The following EIF3F variants were observed in gnomAD, a reference collection of about 807,000 sequenced individuals.
The protein encoded by EIF3F is eukaryotic translation initiation factor 3 subunit F.
EIF3F carries 8 observed loss-of-function variants against 36.0 expected under a neutral mutation model. That is an observed-to-expected ratio of 0.22 (90% CI 0.13 to 0.40). The LOEUF is 0.40. EIF3F is among the 10% of genes least tolerant of loss of function. The probability of loss-of-function intolerance (pLI) is 1.00; values close to 1 mark genes in which losing one functional copy is unlikely to be tolerated. For missense variants in EIF3F, 430 were observed against 467.6 expected, an observed-to-expected ratio of 0.92 and a Z score of 0.74; for synonymous variants, 184 against 188.5, an observed-to-expected ratio of 0.98 and a Z score of 0.19.
chr11:7,992,392 C>A (rs1388942493), intron 3 of EIF3F: 7 of 560,184 alleles, frequency 1.2e-5, no homozygotes, highest in Non-Finnish European at 1.9e-5. Context: ...AATAGTGAGA[C>A]CCTGTCTCTA....
chr11:7,990,472 GA>G lies in EIF3F; in HGVS notation c.365-1305del, dbSNP rs1232866009. Among the ~76,000 whole-genome samples, 13 of 152,198 alleles carry G rather than the reference GA, an allele frequency of 8.5e-5. No individual in the cohort carries two copies. In the East Asian group the frequency reaches 2.5e-3, roughly 29 times the overall value. On this transcript the variant is annotated intron_variant, in intron 1 of 7. Transcript: ENST00000651655. ...CATTTCTAGATCAGGGCCTGGCCTAGAAAAGGAACATTGAATAAAAAGACAA... is the reference window on the plus strand; with the variant it reads ...CATTTCTAGATCAGGGCCTGGCCTAGAAAGGAACATTGAATAAAAAGACAA...
At position 7,994,486 on chromosome 11, in the gene EIF3F, A is replaced by G. The variant is rs1021979682; in HGVS notation, c.714A>G (p.Lys238=). The G allele has an allele frequency of 5.6e-6, 9 of 1,613,966 alleles. No homozygotes were observed. Among genetic ancestry groups the G allele is most frequent in the African/African-American group, 2.7e-5 (2 of 74,924 alleles). Residue 238 remains lysine, a synonymous_variant, in exon 5 of 8, where the codon AAA becomes AAG. Transcript: ENST00000651655. The part of the protein sequence containing the change: ...MGVMFTPLTV[K]YAYYDTERIG... ...TGATGTTCACGCCTCTGACAGTGAA[A>G]TACGCGTACTACGACACTGAACGCA...
rs1942141010 is a variant in EIF3F, at chr11:7,994,633, A to T, written c.745+116A>T. 6 of 915,006 alleles carry T rather than the reference A, an allele frequency of 6.6e-6. No homozygotes were observed. In the East Asian group the frequency reaches 1.6e-4, roughly 24 times the overall value. The allele number at this position is 915,006 out of a possible 1,614,324, so 56.7% of individuals were successfully genotyped here. A position where few individuals can be genotyped will look rare whatever the true frequency, so the allele number is the denominator to read the frequency against. ...GGTTTGAAAAGGGACTATTGATCTAAGGTTTGTGAAGACTAGAAGTCACAG... is the reference window on the plus strand; with the variant it reads ...GGTTTGAAAAGGGACTATTGATCTATGGTTTGTGAAGACTAGAAGTCACAG... On this transcript the variant is annotated intron_variant, in intron 5 of 7. Coordinates refer to ENST00000651655, the MANE Select transcript of EIF3F (RefSeq NM_003754.3).
In EIF3F at chr11:7,987,535, G is replaced by A; in HGVS notation, c.183G>A (p.Gln61=). The change falls in exon 1 of 8, where the codon CAG becomes CAA. Residue 61 remains glutamine (Q), a synonymous_variant. Transcript: ENST00000651655. ...AAAAATAAPG[Q]TPASAQAPAQ... ...CGGCTGCAACTGCGGCTCCTGGCCA[G>A]ACCCCGGCCTCAGCGCAAGCTCCAG... 1.2e-6 allele frequency: 2 copies of A among 1,604,264 alleles called. No homozygotes were observed. Among genetic ancestry groups the A allele is most frequent in the Non-Finnish European group, 1.7e-6 (2 of 1,176,454 alleles).
rs372147798 is a variant in EIF3F, at chr11:7,993,059, C to T, written c.653+35C>T. ...GTCTTGGGCTACAAGGGCATAAAACCATGCCCAGATGCCATCCCTCCCCCA... is the reference window on the plus strand; with the variant it reads ...GTCTTGGGCTACAAGGGCATAAAACTATGCCCAGATGCCATCCCTCCCCCA... On this transcript the variant is annotated intron_variant, in intron 4 of 7. Transcript: ENST00000651655. 3.2e-5 allele frequency: 49 copies of T among 1,525,676 alleles called. No individual in the cohort carries two copies. The African/African-American group carries it at 6.8e-4, about 21-fold the overall frequency. 94.5% of individuals were successfully genotyped at this position (1,525,676 alleles called of 1,614,324 possible).
At position 7,989,004 on chromosome 11, in the gene EIF3F, C is replaced by A. The variant is rs545121161; in HGVS notation, c.364+1288C>A. Reference sequence around the variant, plus strand: ...ATCTTCTGAACATTGCTTGTCTTTTCTCAGACCAAGCTTTTGCGTTCTCTT... The same window carrying A: ...ATCTTCTGAACATTGCTTGTCTTTTATCAGACCAAGCTTTTGCGTTCTCTT... On this transcript the variant is annotated intron_variant, in intron 1 of 7. Transcript: ENST00000651655. Among the ~76,000 whole-genome samples the A allele has an allele frequency of 7.2e-4, 109 of 152,306 alleles. 1 individual carries two copies. The highest frequency in any genetic ancestry group is 2.5e-3 in the African/African-American group (104 of 41,550).
At position 7,989,842 on chromosome 11, in the gene EIF3F, G is replaced by A. The variant is rs115880214; in HGVS notation, c.365-1939G>A. On this transcript the variant is annotated intron_variant, in intron 1 of 7. Transcript: ENST00000651655. The stretch of plus-strand genomic sequence containing the variant: ...ACTGTCTGAAACATTCAGTATTACA[G>A]GAATGTAGGTGACAGGAGGTAGAGC... Among the ~76,000 whole-genome samples, 440 of 152,310 alleles carry A rather than the reference G, an allele frequency of 2.9e-3. 4 individuals are homozygous for A. The highest frequency in any genetic ancestry group is 0.01 in the African/African-American group (429 of 41,564).
chr11:7,988,729 A>C (rs922155313), intron 1 of EIF3F, among the ~76,000 whole-genome samples: 6 of 152,370 alleles, frequency 3.9e-5, no homozygotes. Context: ...AAGATTTGTA[A>C]GCAGACCTCA....
chr11:7,989,865 AG>A (rs1564885819), intron 1 of EIF3F, among the ~76,000 whole-genome samples: 1 of 152,236 alleles, frequency 6.6e-6, no homozygotes, highest in Non-Finnish European at 1.5e-5. Context: ...CAGGAGGTAG[AG>A]CAGGAAATGA....
Position 7,999,995 on chromosome 11 carries a change from G to C in EIF3F, c.*3973G>C, listed in dbSNP as rs1474125619. 2 of 152,258 alleles carry C rather than the reference G, an allele frequency of 1.3e-5. No homozygotes were observed. Among genetic ancestry groups the C allele is most frequent in the East Asian group, 3.9e-4 (2 of 5,164 alleles). The allele number at this position is 152,258 out of a possible 1,614,324, so 9.4% of individuals were successfully genotyped here. On this transcript the variant is annotated 3_prime_UTR_variant, in exon 8 of 8. Coordinates refer to ENST00000651655, the MANE Select transcript of EIF3F (RefSeq NM_003754.3). ...AAGGCAGGTGGATCATTTGAGGTCA[G>C]AAGTTCTTGACCAGCCTGGCCAACA...
intron 3 of EIF3F, 57 bp from the exon 4 acceptor site, chr11:7,992,830 T>G (rs912844816): frequency 3.7e-6 from 6 of 1,611,138 alleles, no homozygotes; most frequent in Non-Finnish European, 5.1e-6. Flanking sequence ...GCCACTGTTG[T>G]GTTTGATATT....
chr11:7,994,461 T>G lies in EIF3F; in HGVS notation c.689T>G (p.Val230Gly). 1 of 1,613,886 alleles carries G rather than the reference T, an allele frequency of 6.2e-7. No individual in the cohort carries two copies. The highest frequency in any genetic ancestry group is 8.5e-7 in the Non-Finnish European group (1 of 1,179,960). Residue 230 changes from valine to glycine, a missense_variant, in exon 5 of 8, where the codon GTG becomes GGG. Physicochemically the swap from Val to Gly is moderately radical, Grantham distance 109. Transcript: ENST00000651655. ...LMGVPGRTMG[V>G]MFTPLTVKYA... Reference sequence around the variant, plus strand: ...GGAGTCCCTGGGAGGACCATGGGAGTGATGTTCACGCCTCTGACAGTGAAA... The same window carrying G: ...GGAGTCCCTGGGAGGACCATGGGAGGGATGTTCACGCCTCTGACAGTGAAA...
intron 6 of EIF3F, 23 bp from the exon 7 acceptor site, chr11:7,995,231 C>T (rs376053231): frequency 2.8e-5 from 45 of 1,609,988 alleles, no homozygotes; most frequent in Middle Eastern, 1.6e-4. Context: ...ACTGCCTCAT[C>T]GAGTCTTTGT....
Position 7,991,843 on chromosome 11 carries a change from G to A in EIF3F, c.427G>A (p.Glu143Lys). The A allele has an allele frequency of 6.2e-7, 1 of 1,614,196 alleles. No homozygotes were observed. The change falls in exon 2 of 8, where the codon GAA becomes AAA. Residue 143 changes from glutamate to lysine, a missense_variant. By Grantham distance (56) the Glu-to-Lys change is moderately conservative (BLOSUM62 1). Coordinates refer to ENST00000651655, the MANE Select transcript of EIF3F (RefSeq NM_003754.3). ...NCFSVPHNES[E>K]DEVAVDMEFA... ...CTTTTCAGTGCCGCACAATGAGTCA[G>A]AAGATGAAGTGAGTGGGAATCCAAG...
At chr11:7,995,444 T>G in intron 7 of EIF3F, 77 bp downstream of exon 7, 1 of 1,207,288 alleles carries the variant, frequency 8.3e-7, no homozygotes, top group Non-Finnish European at 1.2e-6. Context: ...GTGAAAAGAG[T>G]TGGGTGAGGT....
At position 8,001,771 on chromosome 11, in the gene EIF3F, GT is replaced by G. The variant is rs1942224923; in HGVS notation, c.*5752del. On this transcript the variant is annotated 3_prime_UTR_variant, in exon 8 of 8. Coordinates refer to ENST00000651655, the MANE Select transcript of EIF3F (RefSeq NM_003754.3). Reference sequence around the variant, plus strand: ...CAGGACGAAAGATTTACTTCTTATTGTTTCTTCTGTATAACTTTTGAATTTT... The same window carrying G: ...CAGGACGAAAGATTTACTTCTTATTGTTCTTCTGTATAACTTTTGAATTTT... The G allele has an allele frequency of 1.3e-5, 2 of 151,928 alleles. No homozygotes were observed. Among genetic ancestry groups the G allele is most frequent in the Non-Finnish European group, 2.9e-5 (2 of 67,992 alleles). 9.4% of individuals were successfully genotyped at this position (151,928 alleles called of 1,614,324 possible).
chr11:8,001,043 C>A lies in EIF3F; in HGVS notation c.*5021C>A, dbSNP rs1358693636. 1 of 152,148 alleles carries A rather than the reference C, an allele frequency of 6.6e-6. No individual in the cohort carries two copies. Among genetic ancestry groups the A allele is most frequent in the Non-Finnish European group, 1.5e-5 (1 of 68,028 alleles). The allele number at this position is 152,148 out of a possible 1,614,324, so 9.4% of individuals were successfully genotyped here. On this transcript the variant is annotated 3_prime_UTR_variant, in exon 8 of 8. Transcript: ENST00000651655. ...TCATATCAAAAAAAGGGCTAATATT[C>A]TTGTCCCAGAATTCCTACAGTTTTT...
intron 7 of EIF3F, 56 bp from the exon 8 acceptor site, chr11:7,995,889 C>A: frequency 2.0e-6 from 3 of 1,518,678 alleles, no homozygotes; most frequent in Non-Finnish European, 2.7e-6. Context: ...CAAAGCCAGC[C>A]TTTTTGCTCC....
At chr11:7,990,016 T>C (rs1199766298) in intron 1 of EIF3F, among the ~76,000 whole-genome samples, 1 of 152,244 alleles carries the variant, frequency 6.6e-6, no homozygotes, top group South Asian at 2.1e-4. Flanking sequence ...TCCTGAGCAT[T>C]TCAGCTAACA....
Sources: gnomAD v4.1 joint callset for allele counts (sites outside exome capture counted in the v4.1 genomes callset) on GRCh38, gnomAD v4.1.1 for gene constraint, MANE v1.5 for transcripts, NCBI Gene and HGNC (gene_info 2026-07-23, HGNC 2026-07-21) for gene names.